Variants in SHB observed in about 807,000 individuals in gnomAD.
SHB encodes SH2 domain-containing adapter protein B.
A neutral mutation model predicts 52.3 loss-of-function variants in SHB; 20 were observed. The ratio of observed to expected loss-of-function variants is 0.38; its 90% CI spans 0.27 to 0.56. SHB has a LOEUF of 0.56. Among genes scored for constraint, SHB ranks in the 20% least tolerant of loss-of-function variants. The pLI is 0.71. For missense variants in SHB, 825 were observed against 723.3 expected (o/e 1.14, Z -1.61); for synonymous variants, 397 against 316.5 (o/e 1.25, Z -2.70).
chr9:38,046,648 C>A lies in SHB; in HGVS notation c.717+21281G>T, dbSNP rs1192286615. On this transcript the variant is annotated intron_variant, in intron 1 of 5. Transcript: ENST00000377707. ...TGATCACGCCAAGCAATGAAACATA[C>A]AAACTTGCCAGGGGCAGGACGCAAG... is the stretch of plus-strand genomic sequence containing the variant. Among the ~76,000 whole-genome samples the A allele has an allele frequency of 2.0e-5, 3 of 152,170 alleles. No individual in the cohort carries two copies. The East Asian group carries it at 5.8e-4, about 29-fold the overall frequency.
At chr9:38,051,019 T>A (rs1007126801) in intron 1 of SHB, among the ~76,000 whole-genome samples, 1 of 152,192 alleles carries the variant, frequency 6.6e-6, no homozygotes, top group Non-Finnish European at 1.5e-5. Flanking sequence ...AGGCTTCAAG[T>A]CTAATCATCT....
chr9:38,001,026 C>T (rs1332628274), intron 2 of SHB, among the ~76,000 whole-genome samples: 54 of 152,312 alleles, frequency 3.5e-4, no homozygotes, highest in Admixed American at 3.3e-3. Context: ...GGTATGTAAA[C>T]GCATGGGGCA....
chr9:38,067,182 G>C (rs1208884944), intron 1 of SHB, among the ~76,000 whole-genome samples: 1 of 152,192 alleles, frequency 6.6e-6, no homozygotes, highest in African/African-American at 2.4e-5. Flanking sequence ...TATGGGGTAG[G>C]GGTGAGGTCA....
intron 1 of SHB, among the ~76,000 whole-genome samples, chr9:38,031,808 A>T (rs994272777): frequency 1.3e-5 from 2 of 152,216 alleles, no homozygotes; most frequent in African/African-American, 4.8e-5. Flanking sequence ...ATCACCTGCC[A>T]CTGGAAACAT....
chr9:38,017,016 C>A (rs116753275), intron 1 of SHB, among the ~76,000 whole-genome samples: 1 of 152,210 alleles, frequency 6.6e-6, no homozygotes, highest in Non-Finnish European at 1.5e-5. Flanking sequence ...CAGAGACCAC[C>A]GTTCCACGTT....
At chr9:37,952,951 A>C (rs1832583160) in intron 4 of SHB, among the ~76,000 whole-genome samples, 1 of 152,008 alleles carries the variant, frequency 6.6e-6, no homozygotes, top group South Asian at 2.1e-4. Context: ...GGCTGATGCT[A>C]CATGTCTGTG....
Position 38,016,027 on chromosome 9 carries a change from T to G in SHB, c.822A>C (p.Ala274=). 10 of 1,614,192 alleles carry G rather than the reference T, an allele frequency of 6.2e-6. No individual in the cohort carries two copies. The highest frequency in any genetic ancestry group is 8.5e-6 in the Non-Finnish European group (10 of 1,179,994). Residue 274 remains alanine (A), a synonymous_variant, in exon 2 of 6, where the codon GCA becomes GCC. Coordinates refer to ENST00000377707, the MANE Select transcript of SHB (RefSeq NM_003028.3). ...TCCACTTACCTGTCATGATCCTCTGTGCCTCATAGGGCTCCATGTAGCCAG... is the reference window on the plus strand; with the variant it reads ...TCCACTTACCTGTCATGATCCTCTGGGCCTCATAGGGCTCCATGTAGCCAG... ...ESAGYMEPYE[A]QRIMTEFQRQ... is the part of the protein sequence containing the mutation.
intron 1 of SHB, among the ~76,000 whole-genome samples, chr9:38,032,484 G>A (rs1034062380): frequency 2.6e-5 from 4 of 152,200 alleles, no homozygotes; most frequent in Admixed American, 2.6e-4. Flanking sequence ...TTGCCAGCTT[G>A]GCTCAGTTGC....
intron 4 of SHB, among the ~76,000 whole-genome samples, chr9:37,949,392 C>CAAAAAAAAAAAAAAAAAAA (rs771495216): frequency 1.0e-4 from 5 of 50,142 alleles, no homozygotes; most frequent in Non-Finnish European, 1.7e-4. Flanking sequence ...GACTCCATCT[C>CAAAAAAAAAAAAAAAAAAA]AAAAAAAAAA....
chr9:37,952,051 G>A (rs112556953), intron 4 of SHB, among the ~76,000 whole-genome samples: 3,791 of 152,268 alleles, frequency 0.025, 70 homozygotes, highest in African/African-American at 0.054. Context: ...CTCAACTATC[G>A]TCCTTCACCC....
intron 4 of SHB, among the ~76,000 whole-genome samples, chr9:37,953,059 G>C (rs1270057512): frequency 6.6e-6 from 1 of 151,960 alleles, no homozygotes; most frequent in East Asian, 1.9e-4. Context: ...CAGAGGCAAG[G>C]AGCCAGCAGA....
intron 5 of SHB, among the ~76,000 whole-genome samples, chr9:37,923,670 A>G (rs1159588577): frequency 2.0e-5 from 3 of 152,242 alleles, no homozygotes; most frequent in African/African-American, 7.2e-5. Context: ...AGACGCGAGC[A>G]TGAGCAAAGG....
chr9:38,016,082 A>G lies in SHB; in HGVS notation c.767T>C (p.Leu256Pro). Residue 256 changes from leucine (L) to proline (P), a missense_variant, in exon 2 of 6, where the codon CTC (leucine) becomes CCC (proline). By Grantham distance (98) the Leu-to-Pro change is moderately conservative. Coordinates refer to ENST00000377707, the MANE Select transcript of SHB (RefSeq NM_003028.3). ...CTCCCCCTTTCCTGCTTTGCTCTTG[A>G]GATCATTCTTGGCATCAAAGGGATC... The part of the protein sequence containing the change: ...YSDPFDAKND[L>P]KSKAGKGESA... 6.2e-7 allele frequency: 1 copy of G among 1,614,010 alleles called. No homozygotes were observed. The highest frequency in any genetic ancestry group is 8.5e-7 in the Non-Finnish European group (1 of 1,179,888).
At chr9:37,932,031 C>T (rs1237893495) in intron 5 of SHB, among the ~76,000 whole-genome samples, 1 of 152,026 alleles carries the variant, frequency 6.6e-6, no homozygotes, top group African/African-American at 2.4e-5. Context: ...TCTGTAGTCC[C>T]AGCACTTTGG....
At chr9:38,047,237 A>C (rs1172687572) in intron 1 of SHB, among the ~76,000 whole-genome samples, 1 of 152,226 alleles carries the variant, frequency 6.6e-6, no homozygotes, top group Admixed American at 6.5e-5. Flanking sequence ...GAAAAATAGT[A>C]TCTTCCTTAC....
At chr9:38,052,419 T>C (rs1326310942) in intron 1 of SHB, among the ~76,000 whole-genome samples, 2 of 152,206 alleles carry the variant, frequency 1.3e-5, no homozygotes, top group Non-Finnish European at 2.9e-5. Context: ...GGACAAATGC[T>C]CTGATGGACT....
At chr9:38,021,930 G>C (rs1821286715) in intron 1 of SHB, among the ~76,000 whole-genome samples, 1 of 152,172 alleles carries the variant, frequency 6.6e-6, no homozygotes, top group Non-Finnish European at 1.5e-5. Flanking sequence ...CTGGCTGAAG[G>C]GTCTCTGTGC....
chr9:37,943,302 C>A (rs1832455278), intron 5 of SHB, among the ~76,000 whole-genome samples: 1 of 152,136 alleles, frequency 6.6e-6, no homozygotes, highest in Non-Finnish European at 1.5e-5. Context: ...CTACTTCGGG[C>A]AGCCCTGAAC....
At chr9:37,980,699 G>T (rs1350446639) in intron 2 of SHB, among the ~76,000 whole-genome samples, 2 of 152,214 alleles carry the variant, frequency 1.3e-5, no homozygotes, top group East Asian at 3.8e-4. Context: ...ATCTCTGGCA[G>T]CTATAGCCTT....
Sources: gnomAD v4.1 joint callset for allele counts (sites outside exome capture counted in the v4.1 genomes callset) on GRCh38, gnomAD v4.1.1 for gene constraint, MANE v1.5 for transcripts, NCBI Gene and HGNC (gene_info 2026-07-23, HGNC 2026-07-21) for gene names.